The following AFG1L variants were observed in gnomAD, a reference collection of about 807,000 sequenced individuals.
AFG1L encodes AFG1 like ATPase.
AFG1L carries 53 observed loss-of-function variants against 62.2 expected under a neutral mutation model. The observed-to-expected ratio is 0.85, with a 90% CI of 0.68 to 1.07. The LOEUF is 1.07. Among genes scored for constraint, AFG1L ranks in the 50% least tolerant of loss-of-function variants. AFG1L has a pLI of 0.00. For missense variants in AFG1L, 555 were observed against 590.5 expected, an observed-to-expected ratio of 0.94 and a Z score of 0.62; for synonymous variants, 228 against 210.3, an observed-to-expected ratio of 1.08 and a Z score of -0.73.
At chr6:108,367,130 T>C (rs1384088597) in intron 6 of AFG1L, among the ~76,000 whole-genome samples, 1 of 152,178 alleles carries the variant, frequency 6.6e-6, no homozygotes. Context: ...CCATATAATT[T>C]ACTTATTTAT....
intron 1 of AFG1L, among the ~76,000 whole-genome samples, chr6:108,318,726 C>T (rs917673516): frequency 9.9e-5 from 15 of 152,134 alleles, no homozygotes; most frequent in Non-Finnish European, 2.1e-4. Context: ...GAAAGAATAG[C>T]GCAGACTTTT....
At chr6:108,513,703 A>G (rs190926398) in intron 11 of AFG1L, among the ~76,000 whole-genome samples, 17 of 152,310 alleles carry the variant, frequency 1.1e-4, no homozygotes, top group South Asian at 4.1e-4. Flanking sequence ...CATAGCCAAA[A>G]AAAAGGCAGC....
intron 8 of AFG1L, among the ~76,000 whole-genome samples, chr6:108,450,938 T>TA (rs201994960): frequency 2.9e-3 from 398 of 136,808 alleles, no homozygotes; most frequent in African/African-American, 5.3e-3. Context: ...CCACTGGTAT[T>TA]AAAAAAAAAA....
At position 108,368,920 on chromosome 6, in the gene AFG1L, T is replaced by A. The variant is rs542482930; in HGVS notation, c.748+2588T>A. Reference sequence around the variant, plus strand: ...CAGAAATCTGAGCTGGAGCCACCCTTCTGGAGAAGACTGTAAGTTCAAGAT... The same window carrying A: ...CAGAAATCTGAGCTGGAGCCACCCTACTGGAGAAGACTGTAAGTTCAAGAT... On this transcript the variant is annotated intron_variant, in intron 6 of 12. Coordinates refer to ENST00000368977, the MANE Select transcript of AFG1L (RefSeq NM_145315.5). Among the ~76,000 whole-genome samples the A allele has an allele frequency of 1.1e-3, 163 of 152,292 alleles. 2 individuals are homozygous for A. The South Asian group carries it at 0.032, about 30-fold the overall frequency.
At chr6:108,342,665 A>AT (rs1179275079) in intron 2 of AFG1L, among the ~76,000 whole-genome samples, 1 of 152,170 alleles carries the variant, frequency 6.6e-6, no homozygotes, top group Non-Finnish European at 1.5e-5. Context: ...AATAATTTCA[A>AT]TAATTATTAG....
intron 6 of AFG1L, among the ~76,000 whole-genome samples, chr6:108,367,754 G>A (rs1779818155): frequency 6.6e-6 from 1 of 152,152 alleles, no homozygotes; most frequent in Non-Finnish European, 1.5e-5. Flanking sequence ...AAGGAGGCAG[G>A]AAAGAGCAGC....
chr6:108,509,601 G>C (rs2114895814), intron 10 of AFG1L, among the ~76,000 whole-genome samples: 1 of 152,276 alleles, frequency 6.6e-6, no homozygotes, highest in Non-Finnish European at 1.5e-5. Context: ...GGGACCTAAA[G>C]ATTACAAACT....
chr6:108,366,298 C>T lies in AFG1L; in HGVS notation c.714C>T (p.Val238=), dbSNP rs370599565. 4.2e-5 allele frequency: 68 copies of T among 1,611,648 alleles called. No homozygotes were observed. The highest frequency in any genetic ancestry group is 5.3e-5 in the Non-Finnish European group (62 of 1,178,478). The change falls in exon 6 of 13, where the codon GTC becomes GTT. Residue 238 remains valine (V), a synonymous_variant. Transcript: ENST00000368977. ...TTGAAAATCTGTTCAAAAACGGGGT[C>T]GTCGTTGTGGCAACATCCAACAGGC... The part of the protein sequence containing the change: ...QLFENLFKNG[V]VVVATSNRPP...
At chr6:108,360,109 T>C (rs1779464687) in intron 5 of AFG1L, among the ~76,000 whole-genome samples, 1 of 152,212 alleles carries the variant, frequency 6.6e-6, no homozygotes, top group African/African-American at 2.4e-5. Flanking sequence ...CTAGGAATGC[T>C]TTTGGCCACA....
At position 108,502,324 on chromosome 6, in the gene AFG1L, G is replaced by A. The variant is rs1774239658; in HGVS notation, c.1063-7888G>A. The stretch of plus-strand genomic sequence containing the variant: ...GGGTTTAAGTGATTCTGCTGCCTCA[G>A]CCTCCTGAGTAGCTGGGATTACAGA... On this transcript the variant is annotated intron_variant, in intron 10 of 12. Coordinates refer to ENST00000368977, the MANE Select transcript of AFG1L (RefSeq NM_145315.5). Among the ~76,000 whole-genome samples, 4 of 152,148 alleles carry A rather than the reference G, an allele frequency of 2.6e-5. 1 individual carries two copies. The South Asian group carries it at 8.3e-4, about 32-fold the overall frequency.
intron 10 of AFG1L, among the ~76,000 whole-genome samples, chr6:108,491,519 C>T (rs539860125): frequency 6.6e-6 from 1 of 152,286 alleles, no homozygotes; most frequent in African/African-American, 2.4e-5. Context: ...TAGTACTTTA[C>T]AGCTGAGCTT....
intron 8 of AFG1L, among the ~76,000 whole-genome samples, chr6:108,464,398 G>C (rs924861181): frequency 5.3e-5 from 8 of 152,122 alleles, no homozygotes; most frequent in African/African-American, 1.9e-4. Context: ...TCTCAAAATG[G>C]AAATGACTTG....
At chr6:108,508,617 G>T (rs1774517395) in intron 10 of AFG1L, among the ~76,000 whole-genome samples, 1 of 152,092 alleles carries the variant, frequency 6.6e-6, no homozygotes, top group East Asian at 1.9e-4. Flanking sequence ...TCTTAGAACT[G>T]CTCTCTATTT....
intron 8 of AFG1L, among the ~76,000 whole-genome samples, chr6:108,469,600 G>A (rs1481689980): frequency 6.6e-6 from 1 of 152,202 alleles, no homozygotes; most frequent in Non-Finnish European, 1.5e-5. Flanking sequence ...AAAGAAGGTG[G>A]CTGCAAGGAG....
chr6:108,399,617 G>A (rs1032507344), intron 6 of AFG1L, among the ~76,000 whole-genome samples: 1 of 141,224 alleles, frequency 7.1e-6, no homozygotes, highest in Non-Finnish European at 1.5e-5. Context: ...TTTTTGTTAT[G>A]TTGATTTTGT....
chr6:108,326,910 A>G (rs1778067080), intron 2 of AFG1L, among the ~76,000 whole-genome samples: 1 of 152,096 alleles, frequency 6.6e-6, no homozygotes, highest in Non-Finnish European at 1.5e-5. Flanking sequence ...CAGTGAGCCA[A>G]GATCACTCCA....
At chr6:108,376,696 A>G (rs898519301) in intron 6 of AFG1L, among the ~76,000 whole-genome samples, 1 of 152,122 alleles carries the variant, frequency 6.6e-6, no homozygotes, top group South Asian at 2.1e-4. Flanking sequence ...CATGTGGTTA[A>G]TCTTGGGGTA....
At chr6:108,482,091 T>A (rs1208526009) in intron 10 of AFG1L, among the ~76,000 whole-genome samples, 1 of 152,206 alleles carries the variant, frequency 6.6e-6, no homozygotes, top group African/African-American at 2.4e-5. Context: ...TCAGATGAGA[T>A]TGATGGTGAT....
At chr6:108,379,922 C>T (rs1384644422) in intron 6 of AFG1L, among the ~76,000 whole-genome samples, 2 of 146,102 alleles carry the variant, frequency 1.4e-5, no homozygotes, top group Non-Finnish European at 3.0e-5. Flanking sequence ...AGGGCCTCTC[C>T]ATACCAGACT....
Sources: allele counts gnomAD v4.1 joint callset (sites outside exome capture counted in the v4.1 genomes callset), GRCh38; gene constraint gnomAD v4.1.1; transcripts MANE v1.5; gene names NCBI Gene and HGNC (gene_info 2026-07-23, HGNC 2026-07-21).